TET2: variants seen among roughly 807,000 people sequenced by gnomAD.
TET2 encodes methylcytosine dioxygenase TET2.
TET2 carries 299 observed loss-of-function variants against 142.9 expected under a neutral mutation model. The observed-to-expected ratio is 2.09, with a 90% CI of 1.90 to 2.30. The LOEUF is 2.30. Ranked by LOEUF, TET2 falls within the 30% of genes most tolerant of loss-of-function variation. The pLI, the probability that TET2 is intolerant of heterozygous loss-of-function variation, is 0.00. For synonymous variants in TET2, 819 were observed against 849.0 expected, an observed-to-expected ratio of 0.96 and a Z score of 0.61; for missense variants, 2,418 against 2,378.0, an observed-to-expected ratio of 1.02 and a Z score of -0.35.
At position 105,275,794 on chromosome 4, in the gene TET2, A is replaced by T. The variant is rs2454206; in HGVS notation, c.5284A>T (p.Ile1762Leu). 5.2e-6 allele frequency: 8 copies of T among 1,551,426 alleles called. No individual in the cohort carries two copies. The Admixed American group carries it at 1.6e-4, about 30-fold the overall frequency. ...TGGTGAACATCATTCACCTTCTCACATAATCCATAACTACAGTGCAGCTCC... is the reference window on the plus strand; with the variant it reads ...TGGTGAACATCATTCACCTTCTCACTTAATCCATAACTACAGTGCAGCTCC... ...KNGEHHSPSHIIHNYSAAPGM... is the reference protein window; with the variant it reads ...KNGEHHSPSHLIHNYSAAPGM... Residue 1762 changes from isoleucine (I) to leucine (L), a missense_variant, in exon 11 of 11, where the codon ATA (isoleucine) becomes TTA (leucine). Transcript: ENST00000380013.
rs1426315875 is a variant in TET2 at position 105,153,834 on chromosome 4, T to G, written c.-193+6855T>G. Among the ~76,000 whole-genome samples, 8 of 152,232 alleles carry G rather than the reference T, an allele frequency of 5.3e-5. 1 individual carries two copies. The highest frequency in any genetic ancestry group is 5.2e-4 in the Admixed American group (8 of 15,284). On this transcript the variant is annotated intron_variant, in intron 1 of 10. Coordinates refer to ENST00000380013, the MANE Select transcript of TET2 (RefSeq NM_001127208.3). ...AAAAGGAGATTTAAAATGCATACAG[T>G]TGTTCACATGAAAACTTGTAGCCAA...
rs1400360603 is a variant in TET2 at position 105,275,818 on chromosome 4, C to A, written c.5308C>A (p.Pro1770Thr). The change falls in exon 11 of 11, where the codon CCG becomes ACG. Residue 1770 changes from proline (P) to threonine (T), a missense_variant. Transcript: ENST00000380013. ...SHIIHNYSAA[P>T]GMFNSSLHAL... is the part of the protein sequence containing the mutation. ...CATAATCCATAACTACAGTGCAGCT[C>A]CGGGCATGTTCAACAGCTCTCTTCA... The A allele has an allele frequency of 6.4e-7, 1 of 1,551,768 alleles. No homozygotes were observed. Among genetic ancestry groups the A allele is most frequent in the South Asian group, 1.2e-5 (1 of 84,058 alleles).
chr4:105,236,195 GAATA>G lies in TET2; in HGVS notation c.2256_2259del (p.Asn752LysfsTer60). 2 of 1,613,918 alleles carry G rather than the reference GAATA, an allele frequency of 1.2e-6. No individual in the cohort carries two copies. Among genetic ancestry groups the G allele is most frequent in the Non-Finnish European group, 1.7e-6 (2 of 1,179,966 alleles). On this transcript the variant is annotated frameshift_variant, in exon 3 of 11. Transcript: ENST00000380013. LOFTEE classifies it high-confidence loss of function. ...AACAGCAGCAAAAATTACAAATAAA[GAATA>G]AAGAGGAAATACTCCAGACTTTTCC...
intron 2 of TET2, among the ~76,000 whole-genome samples, chr4:105,224,827 A>G (rs1728086719): frequency 6.6e-6 from 1 of 151,828 alleles, no homozygotes; most frequent in Admixed American, 6.6e-5. Flanking sequence ...TTGCCTGGTT[A>G]TAATTTGACC....
rs749710391 is a variant in TET2, at chr4:105,234,309, C to T, written c.367C>T (p.Arg123Cys). ...KQDQKANGER[R>C]NFGVSQERNP... is the part of the protein sequence containing the mutation. The stretch of plus-strand genomic sequence containing the variant: ...AGACCAAAAGGCTAATGGAGAAAGA[C>T]GTAACTTCGGGGTAAGCCAAGAAAG... Residue 123 changes from arginine (R) to cysteine (C), a missense_variant, in exon 3 of 11, where the codon CGT (arginine) becomes TGT (cysteine). Physicochemically the swap from Arg to Cys is radical, Grantham distance 180. Coordinates refer to ENST00000380013, the MANE Select transcript of TET2 (RefSeq NM_001127208.3). 54 of 1,613,958 alleles carry T rather than the reference C, an allele frequency of 3.3e-5. No individual in the cohort carries two copies. Among genetic ancestry groups the T allele is most frequent in the East Asian group, 8.9e-5 (4 of 44,856 alleles).
At chr4:105,227,138 G>T (rs1728240197) in intron 2 of TET2, among the ~76,000 whole-genome samples, 1 of 152,146 alleles carries the variant, frequency 6.6e-6, no homozygotes, top group Non-Finnish European at 1.5e-5. Context: ...TAACCCATAA[G>T]AGCATCTCCT....
At chr4:105,237,504 G>A (rs1729027169) in intron 3 of TET2, 153 bp downstream of exon 3, 3 of 1,601,746 alleles carry the variant, frequency 1.9e-6, no homozygotes, top group Admixed American at 1.7e-5. Context: ...TTTTTGTCAA[G>A]TTACCGATGC....
chr4:105,278,083 AAG>A lies in TET2; in HGVS notation c.*1567_*1568del, dbSNP rs1262662026. On this transcript the variant is annotated 3_prime_UTR_variant, in exon 11 of 11. Transcript: ENST00000380013. Reference sequence around the variant, plus strand: ...ATCATTAATTTGTATAAAGAAGTGAAAGAGTTGTATAGTAAATTAAATTGTAA... The same window carrying A: ...ATCATTAATTTGTATAAAGAAGTGAAAGTTGTATAGTAAATTAAATTGTAA... 5.1e-6 allele frequency: 1 copy of A among 196,240 alleles called. No homozygotes were observed. Among genetic ancestry groups the A allele is most frequent in the Non-Finnish European group, 1.1e-5 (1 of 95,074 alleles). The allele number at this position is 196,240 out of a possible 1,614,324, so 12.2% of individuals were successfully genotyped here. A position where few individuals can be genotyped will look rare whatever the true frequency, so the allele number is the denominator to read the frequency against.
chr4:105,252,475 T>C (rs894266247), intron 6 of TET2, among the ~76,000 whole-genome samples: 2 of 152,184 alleles, frequency 1.3e-5, no homozygotes, highest in African/African-American at 2.4e-5. Context: ...AAAGCTGTTA[T>C]AAAAGTATGT....
rs766479823 is a variant in TET2 at position 105,235,409 on chromosome 4, C to T, written c.1467C>T (p.Asp489=). The T allele has an allele frequency of 6.2e-7, 1 of 1,614,206 alleles. No homozygotes were observed. Among genetic ancestry groups the T allele is most frequent in the Non-Finnish European group, 8.5e-7 (1 of 1,180,026 alleles). Reference sequence around the variant, plus strand: ...AGAATAATTGTGTGAACAGGAATGACATACAGACTGCAGGGACAATGACTG... The same window carrying T: ...AGAATAATTGTGTGAACAGGAATGATATACAGACTGCAGGGACAATGACTG... ...RPQNNCVNRN[D]IQTAGTMTVP... The change falls in exon 3 of 11, where the codon GAC becomes GAT. Residue 489 remains aspartate (D), a synonymous_variant. Coordinates refer to ENST00000380013, the MANE Select transcript of TET2 (RefSeq NM_001127208.3).
chr4:105,217,766 T>C (rs1727582742), intron 2 of TET2, among the ~76,000 whole-genome samples: 2 of 152,106 alleles, frequency 1.3e-5, no homozygotes, highest in African/African-American at 4.8e-5. Context: ...GTCCCATAGA[T>C]AGATATCACA....
At chr4:105,229,502 T>C (rs11935721) in intron 2 of TET2, among the ~76,000 whole-genome samples, 1 of 151,742 alleles carries the variant, frequency 6.6e-6, no homozygotes, top group Non-Finnish European at 1.5e-5. Context: ...GTAGTGGCGG[T>C]GTTTGACCAC....
intron 1 of TET2, among the ~76,000 whole-genome samples, chr4:105,154,998 C>G (rs1450528434): frequency 6.6e-6 from 1 of 151,966 alleles, no homozygotes; most frequent in Non-Finnish European, 1.5e-5. Flanking sequence ...ACACTTCAGC[C>G]TGGGTGACAA....
chr4:105,272,286 A>T (rs374638438), intron 9 of TET2, among the ~76,000 whole-genome samples: 1 of 152,190 alleles, frequency 6.6e-6, no homozygotes, highest in African/African-American at 2.4e-5. Context: ...AGACAGAAAC[A>T]TATGTGAAGA....
chr4:105,270,130 A>G (rs1730881236), intron 9 of TET2, among the ~76,000 whole-genome samples: 1 of 152,176 alleles, frequency 6.6e-6, no homozygotes, highest in Non-Finnish European at 1.5e-5. Context: ...CAGCCAGACC[A>G]TATCAGCAGC....
rs1731159146 is a variant in TET2 at position 105,275,391 on chromosome 4, A to C, written c.4881A>C (p.Gln1627His). 1 of 1,551,520 alleles carries C rather than the reference A, an allele frequency of 6.4e-7. No individual in the cohort carries two copies. ...PYPGLLNQNT[Q>H]YPSYQCNGNL... ...CTGGGCTTTTGAATCAGAATACCCA[A>C]TATCCATCATATCAATGCAATGGAA... Residue 1627 changes from glutamine (Q) to histidine (H), a missense_variant, in exon 11 of 11, where the codon CAA becomes CAC. Gln to His is a conservative substitution (Grantham distance 24). Transcript: ENST00000380013.
intron 2 of TET2, among the ~76,000 whole-genome samples, chr4:105,208,718 C>A (rs944472665): frequency 3.0e-4 from 45 of 152,114 alleles, no homozygotes; most frequent in African/African-American, 1.1e-3. Context: ...GTCAGTGTTT[C>A]CAATTAATCT....
intron 8 of TET2, 67 bp from the exon 9 acceptor site, chr4:105,269,543 C>A: frequency 6.7e-7 from 1 of 1,503,468 alleles, no homozygotes; most frequent in Non-Finnish European, 9.0e-7. Flanking sequence ...GGTCTAAATA[C>A]TAGTGAGTTT....
chr4:105,243,530 G>A (rs1729416408), intron 5 of TET2, 40 bp from the exon 6 acceptor site: 2 of 1,534,624 alleles, frequency 1.3e-6, no homozygotes, highest in Non-Finnish European at 8.8e-7. Flanking sequence ...TGTTTTGGTT[G>A]GGGTGGGGGG....
Sources: gnomAD v4.1 joint callset for allele counts (sites outside exome capture counted in the v4.1 genomes callset) on GRCh38, gnomAD v4.1.1 for gene constraint, MANE v1.5 for transcripts, NCBI Gene and HGNC (gene_info 2026-07-23, HGNC 2026-07-21) for gene names.